Variants in SAAL1 observed in about 807,000 individuals in gnomAD.
The protein encoded by SAAL1 is protein SAAL1.
Under a neutral mutation model 59.8 loss-of-function variants are expected in SAAL1, and 42 were observed. The ratio of observed to expected loss-of-function variants is 0.70; its 90% CI spans 0.55 to 0.91. SAAL1 has a LOEUF of 0.91. Among genes scored for constraint, SAAL1 ranks in the 40% least tolerant of loss-of-function variants. The probability of loss-of-function intolerance (pLI) is 0.00; values close to 1 mark genes in which losing one functional copy is unlikely to be tolerated. For missense variants in SAAL1, 542 were observed against 561.1 expected (o/e 0.97, Z 0.34); for synonymous variants, 191 against 194.3 (o/e 0.98, Z 0.14).
chr11:18,082,501 ATGT>A (rs2134053634), intron 10 of SAAL1, among the ~76,000 whole-genome samples: 1 of 146,296 alleles, frequency 6.8e-6, no homozygotes, highest in South Asian at 2.1e-4. Flanking sequence ...CACATTTATA[ATGT>A]TGAATCCAGT....
At chr11:18,089,005 A>G (rs2134058103) in intron 7 of SAAL1, among the ~76,000 whole-genome samples, 1 of 152,366 alleles carries the variant, frequency 6.6e-6, no homozygotes, top group South Asian at 2.1e-4. Context: ...AAAGCAAATG[A>G]TGTGCAACGT....
At chr11:18,097,498 A>C (rs548221906) in intron 2 of SAAL1, among the ~76,000 whole-genome samples, 1 of 152,238 alleles carries the variant, frequency 6.6e-6, no homozygotes, top group African/African-American at 2.4e-5. Flanking sequence ...ATTCAAACAC[A>C]TTTGGTGATT....
chr11:18,102,319 T>G (rs1456964136), intron 2 of SAAL1, among the ~76,000 whole-genome samples: 1 of 151,920 alleles, frequency 6.6e-6, no homozygotes, highest in Non-Finnish European at 1.5e-5. Context: ...GGAGAATCAC[T>G]TGAGCCCTCG....
intron 2 of SAAL1, among the ~76,000 whole-genome samples, chr11:18,098,492 A>G (rs1439855307): frequency 1.3e-5 from 2 of 152,242 alleles, no homozygotes; most frequent in Non-Finnish European, 2.9e-5. Context: ...CTGGCTGTCC[A>G]CTGCTTCAGA....
At chr11:18,098,087 C>T (rs1205901660) in intron 2 of SAAL1, among the ~76,000 whole-genome samples, 1 of 152,172 alleles carries the variant, frequency 6.6e-6, no homozygotes, top group East Asian at 1.9e-4. Context: ...GCAGAGGGTG[C>T]AGTGAGCTGA....
At chr11:18,101,823 A>T (rs1341748563) in intron 2 of SAAL1, among the ~76,000 whole-genome samples, 4 of 53,658 alleles carry the variant, frequency 7.5e-5, no homozygotes, top group Admixed American at 1.4e-4. Flanking sequence ...TCAGCAATAA[A>T]AAAAAAAAAA....
At chr11:18,098,296 T>C (rs1433963669) in intron 2 of SAAL1, among the ~76,000 whole-genome samples, 2 of 152,200 alleles carry the variant, frequency 1.3e-5, no homozygotes, top group Admixed American at 6.5e-5. Flanking sequence ...AATGTAACTG[T>C]GGCAGCCTCA....
intron 7 of SAAL1, 112 bp downstream of exon 7, chr11:18,089,218 A>G: frequency 1.1e-6 from 1 of 890,868 alleles, no homozygotes; most frequent in Admixed American, 3.2e-5. Context: ...CGTAACAAGG[A>G]GTGACTATGT....
In SAAL1 at chr11:18,105,922, G is replaced by A. The variant is rs1385538863; in HGVS notation, c.120C>T (p.Leu40=). 2.5e-6 allele frequency: 4 copies of A among 1,603,468 alleles called. No individual in the cohort carries two copies. The African/African-American group carries it at 4.0e-5, about 16-fold the overall frequency. ...VYSKHWLFGV[L]SGLIQIVSPE... ...GTTTCCACACCTGGATGAGTCCGCT[G>A]AGGACGCCGAAGAGCCAGTGTTTGC... Residue 40 remains leucine (L), a synonymous_variant, in exon 1 of 12, where the codon CTC becomes CTT. Coordinates refer to ENST00000524803, the MANE Select transcript of SAAL1 (RefSeq NM_138421.3).
At chr11:18,088,915 G>C (rs1226970400) in intron 7 of SAAL1, among the ~76,000 whole-genome samples, 1 of 152,164 alleles carries the variant, frequency 6.6e-6, no homozygotes, top group Non-Finnish European at 1.5e-5. Context: ...GTAAGGCTTA[G>C]TAATCACTCT....
At chr11:18,096,379 A>C (rs902134854) in intron 3 of SAAL1, among the ~76,000 whole-genome samples, 1 of 152,100 alleles carries the variant, frequency 6.6e-6, no homozygotes, top group African/African-American at 2.4e-5. Flanking sequence ...CAGGAGTTCA[A>C]GACCAGCCTG....
intron 3 of SAAL1, among the ~76,000 whole-genome samples, chr11:18,093,438 AGGCATT>A (rs1185740718): frequency 6.6e-6 from 1 of 152,202 alleles, no homozygotes; most frequent in Non-Finnish European, 1.5e-5. Context: ...CCTCGGTTTT[AGGCATT>A]GGGGGCCTTG....
intron 2 of SAAL1, among the ~76,000 whole-genome samples, chr11:18,097,481 TAAACACATTC>T (rs1004148935): frequency 3.3e-5 from 5 of 152,142 alleles, no homozygotes; most frequent in Admixed American, 3.3e-4. Context: ...GAATTCTCAT[TAAACACATTC>T]AAACACATTT....
chr11:18,102,463 A>G (rs1848645977), intron 2 of SAAL1, among the ~76,000 whole-genome samples: 1 of 152,012 alleles, frequency 6.6e-6, no homozygotes, highest in African/African-American at 2.4e-5. Context: ...GGTGTTAATT[A>G]TACCTCAATA....
chr11:18,090,658 C>T (rs971260791), intron 4 of SAAL1, 165 bp from the exon 5 acceptor site: 1 of 750,274 alleles, frequency 1.3e-6, no homozygotes, highest in African/African-American at 1.8e-5. Flanking sequence ...AGCAAACACT[C>T]GTGTTTCCAA....
At chr11:18,096,888 G>A (rs1848583209) in intron 2 of SAAL1, 34 bp from the exon 3 acceptor site, 1 of 1,077,122 alleles carries the variant, frequency 9.3e-7, no homozygotes, top group African/African-American at 1.6e-5. Flanking sequence ...CTTGGATGTT[G>A]AATATTCCTC....
intron 4 of SAAL1, 49 bp downstream of exon 4, chr11:18,092,196 A>C (rs1848529769): frequency 1.1e-6 from 1 of 937,714 alleles, no homozygotes; most frequent in Admixed American, 2.3e-5. Flanking sequence ...AATTTCCTTA[A>C]GGATATAAAT....
At chr11:18,089,306 T>C (rs1283436178) in intron 7 of SAAL1, 24 bp downstream of exon 7, 1 of 1,528,216 alleles carries the variant, frequency 6.5e-7, no homozygotes, top group African/African-American at 1.4e-5. Context: ...TCCCAGAACA[T>C]TTTACACAAA....
rs369368180 is a variant in SAAL1, at chr11:18,080,485, C to G, written c.1339G>C (p.Asp447His). ...LLPFYSPVVEDFIKILREVDK... is the reference protein window; with the variant it reads ...LLPFYSPVVEHFIKILREVDK... ...ACTTCACGTAGGATTTTAATAAAATCTTCCACCTGTGAGTCAAACAAACAA... is the reference window on the plus strand; with the variant it reads ...ACTTCACGTAGGATTTTAATAAAATGTTCCACCTGTGAGTCAAACAAACAA... Residue 447 changes from aspartate to histidine, a missense_variant, in exon 12 of 12, where the codon GAT becomes CAT. Asp to His is a moderately conservative substitution (Grantham distance 81). Coordinates refer to ENST00000524803, the MANE Select transcript of SAAL1 (RefSeq NM_138421.3). The G allele has an allele frequency of 6.3e-7, 1 of 1,579,392 alleles. No homozygotes were observed. Among genetic ancestry groups the G allele is most frequent in the African/African-American group, 1.4e-5 (1 of 72,498 alleles).
Sources: gnomAD v4.1 joint callset for allele counts (sites outside exome capture counted in the v4.1 genomes callset) on GRCh38, gnomAD v4.1.1 for gene constraint, MANE v1.5 for transcripts, NCBI Gene and HGNC (gene_info 2026-07-23, HGNC 2026-07-21) for gene names.